Variants in MON2 observed in about 807,000 individuals in gnomAD.
The protein encoded by MON2 is MON2 regulator of endosome-to-Golgi trafficking, also known as protein MON2 homolog.
MON2 carries 84 observed loss-of-function variants against 208.6 expected under a neutral mutation model. The observed-to-expected ratio is 0.40, with a 90% confidence interval of 0.34 to 0.48. The LOEUF (loss-of-function observed/expected upper bound fraction) is 0.48, where lower values mean the gene tolerates loss of function less well. Ranked by LOEUF, MON2 falls within the 20% of genes least tolerant of loss-of-function variation. The pLI is 0.59. For synonymous variants in MON2, 660 were observed against 694.0 expected (o/e 0.95, Z 0.77); for missense variants, 1,611 against 2,015.4 (o/e 0.80, Z 3.84).
At chr12:62,476,727 A>G (rs943876179) in intron 1 of MON2, among the ~76,000 whole-genome samples, 3 of 152,090 alleles carry the variant, frequency 2.0e-5, no homozygotes, top group African/African-American at 7.2e-5. Flanking sequence ...ATGAGCCACC[A>G]TGCCCAGCCT....
In MON2 at chr12:62,524,634, A is replaced by G. The variant is rs2072240383; in HGVS notation, c.1104A>G (p.Leu368=). The part of the protein sequence containing the change: ...SIHRFCVQPQ[L]LRSFCQSYDM... ...ACAGATTCTGTGTGCAGCCTCAACTATTAAGGTAAAACCTCAGCAATAGTT... is the reference window on the plus strand; with the variant it reads ...ACAGATTCTGTGTGCAGCCTCAACTGTTAAGGTAAAACCTCAGCAATAGTT... The change falls in exon 9 of 35, where the codon CTA becomes CTG. Residue 368 remains leucine (L), a synonymous_variant. Transcript: ENST00000393630. The G allele has an allele frequency of 1.2e-6, 2 of 1,612,826 alleles. No homozygotes were observed. Among genetic ancestry groups the G allele is most frequent in the South Asian group, 1.1e-5 (1 of 90,878 alleles).
chr12:62,543,853 C>T (rs1017087418), intron 20 of MON2, among the ~76,000 whole-genome samples: 1 of 152,130 alleles, frequency 6.6e-6, no homozygotes, highest in Non-Finnish European at 1.5e-5. Flanking sequence ...AGGTGATCCA[C>T]CTGCCTTGGT....
At chr12:62,536,135 C>G (rs2072956538) in intron 14 of MON2, among the ~76,000 whole-genome samples, 2 of 151,834 alleles carry the variant, frequency 1.3e-5, no homozygotes, top group Middle Eastern at 3.4e-3. Context: ...ACTTGTAATA[C>G]CAATTTTAAA....
chr12:62,561,555 C>T (rs1308045605), intron 26 of MON2, among the ~76,000 whole-genome samples: 1 of 151,490 alleles, frequency 6.6e-6, no homozygotes, highest in Admixed American at 6.6e-5. Context: ...AGTATTTTTC[C>T]TCATGGTTTT....
rs1038102000 is a variant in MON2 at position 62,585,474 on chromosome 12, G to A, written c.4880G>A (p.Arg1627Lys). The stretch of plus-strand genomic sequence containing the variant: ...CTACATCGCTATATAGAGGATGAAA[G>A]ATTAAGTGGTAAATGCCCTCTTCCA... ...DVLHRYIEDE[R>K]LSGKCPLPRQ... is the part of the protein sequence containing the mutation. Residue 1627 changes from arginine to lysine, a missense_variant, in exon 33 of 35, where the codon AGA becomes AAA. Arg to Lys is a conservative substitution (Grantham distance 26, BLOSUM62 2). Transcript: ENST00000393630. 1 of 1,609,614 alleles carries A rather than the reference G, an allele frequency of 6.2e-7. No individual in the cohort carries two copies. Among genetic ancestry groups the A allele is most frequent in the East Asian group, 2.2e-5 (1 of 44,798 alleles).
rs12298728 is a variant in MON2 at position 62,550,376 on chromosome 12, G to A, written c.2916+546G>A. Among the ~76,000 whole-genome samples, 1,289 of 152,178 alleles carry A rather than the reference G, an allele frequency of 8.5e-3. 17 individuals carry two copies. The highest frequency in any genetic ancestry group is 0.029 in the African/African-American group (1,195 of 41,530). On this transcript the variant is annotated intron_variant, in intron 23 of 34. Transcript: ENST00000393630. Reference sequence around the variant, plus strand: ...AGACTCCCATCTCTACTAAAAATTAGCTGTGTATGGTGGTGCACACCTGTA... The same window carrying A: ...AGACTCCCATCTCTACTAAAAATTAACTGTGTATGGTGGTGCACACCTGTA...
rs2075595397 is a variant in MON2, at chr12:62,600,140, G to A, written c.*7391G>A. The A allele has an allele frequency of 6.6e-6, 1 of 152,168 alleles. No individual in the cohort carries two copies. Among genetic ancestry groups the A allele is most frequent in the African/African-American group, 2.4e-5 (1 of 41,424 alleles). The allele number at this position is 152,168 out of a possible 1,614,324, so 9.4% of individuals were successfully genotyped here. On this transcript the variant is annotated 3_prime_UTR_variant, in exon 35 of 35. Transcript: ENST00000393630. ...TCCTCTGTGAAATGGAGTTAATCGT[G>A]GTATTTAACAGAATTCAAAATGTAG...
At chr12:62,557,043 G>A (rs1408625814) in intron 25 of MON2, among the ~76,000 whole-genome samples, 2 of 151,758 alleles carry the variant, frequency 1.3e-5, no homozygotes, top group African/African-American at 4.8e-5. Flanking sequence ...AGCCAAGATC[G>A]TGCCACTGCA....
Position 62,553,106 on chromosome 12 carries a change from C to G in MON2, c.3142C>G (p.Leu1048Val). ...PAVRKSAGQT[L>V]FSTIGAHGTL... ...TGTCAGGAAGAGTGCAGGGCAAACT[C>G]TGTTTTCTACAATTGGTGCGCATGG... The change falls in exon 24 of 35, where the codon CTG (leucine) becomes GTG (valine). Residue 1048 changes from leucine to valine, a missense_variant. Leu to Val is a conservative substitution (Grantham distance 32). Coordinates refer to ENST00000393630, the MANE Select transcript of MON2 (RefSeq NM_015026.3). 2 of 1,614,164 alleles carry G rather than the reference C, an allele frequency of 1.2e-6. No individual in the cohort carries two copies. Among genetic ancestry groups the G allele is most frequent in the Non-Finnish European group, 1.7e-6 (2 of 1,180,008 alleles).
At chr12:62,513,365 G>A (rs2071510812) in intron 8 of MON2, among the ~76,000 whole-genome samples, 1 of 151,840 alleles carries the variant, frequency 6.6e-6, no homozygotes, top group Non-Finnish European at 1.5e-5. Context: ...AGCTAGGATT[G>A]CAGGTGTGAG....
intron 1 of MON2, among the ~76,000 whole-genome samples, chr12:62,479,660 T>C (rs2069292918): frequency 1.3e-5 from 2 of 152,204 alleles, no homozygotes; most frequent in Non-Finnish European, 2.9e-5. Context: ...AACGCTGCAG[T>C]GTATTTAAGG....
Position 62,500,785 on chromosome 12 carries a change from A to G in MON2, c.568A>G (p.Ile190Val), listed in dbSNP as rs1337052268. 1 of 1,554,154 alleles carries G rather than the reference A, an allele frequency of 6.4e-7. No homozygotes were observed. Among genetic ancestry groups the G allele is most frequent in the Non-Finnish European group, 8.8e-7 (1 of 1,140,786 alleles). ...MVAEDERHRD[I>V]IEQPVLVQGN... ...AACCCATCCTGTTTTGATTGCAGAT[A>G]TTATAGAACAACCAGTACTGGTACA... Residue 190 changes from isoleucine to valine, a missense_variant and splice_region_variant, in exon 6 of 35, where the codon ATT (isoleucine) becomes GTT (valine). Physicochemically the swap from Ile to Val is conservative, Grantham distance 29 (BLOSUM62 3). Transcript: ENST00000393630.
chr12:62,597,602 T>C lies in MON2; in HGVS notation c.*4853T>C, dbSNP rs754228059. 1.3e-5 allele frequency: 2 copies of C among 152,206 alleles called. No homozygotes were observed. Among genetic ancestry groups the C allele is most frequent in the Non-Finnish European group, 2.9e-5 (2 of 68,038 alleles). The allele number at this position is 152,206 out of a possible 1,614,324, so 9.4% of individuals were successfully genotyped here. A position where few individuals can be genotyped will look rare whatever the true frequency, so the allele number is the denominator to read the frequency against. The stretch of plus-strand genomic sequence containing the variant: ...GTGACTATAACTCCTACTGTCTTTA[T>C]GAATACACGGGATTCAGCAGCCAAG... On this transcript the variant is annotated 3_prime_UTR_variant, in exon 35 of 35. Coordinates refer to ENST00000393630, the MANE Select transcript of MON2 (RefSeq NM_015026.3).
intron 1 of MON2, among the ~76,000 whole-genome samples, chr12:62,483,183 A>C (rs1294020131): frequency 6.6e-6 from 1 of 152,178 alleles, no homozygotes; most frequent in East Asian, 1.9e-4. Context: ...AAGTCTTCAA[A>C]ACCTAGTATA....
intron 34 of MON2, chr12:62,588,970 C>A: frequency 8.8e-7 from 1 of 1,139,828 alleles, no homozygotes; most frequent in Non-Finnish European, 1.2e-6. Context: ...GTACTTGTCT[C>A]GAAGCACTCT....
intron 9 of MON2, 26 bp from the exon 10 acceptor site, chr12:62,525,058 C>A: frequency 6.3e-7 from 1 of 1,583,916 alleles, no homozygotes; most frequent in Non-Finnish European, 8.6e-7. Flanking sequence ...ATGTTTTTCC[C>A]AAAAACCTTT....
rs1228721497 is a variant in MON2 at position 62,508,456 on chromosome 12, G to C, written c.960G>C (p.Leu320=). Residue 320 remains leucine, a synonymous_variant, in exon 8 of 35, where the codon CTG becomes CTC. Transcript: ENST00000393630. ...CMRLLRVVSV[L]IKQFYSLLVT... ...GTTTGCTGAGAGTAGTATCTGTTCT[G>C]ATTAAGCAGTTTTACAGTCTTTTGG... 6.2e-7 allele frequency: 1 copy of C among 1,614,018 alleles called. No homozygotes were observed. The highest frequency in any genetic ancestry group is 8.5e-7 in the Non-Finnish European group (1 of 1,179,926).
At chr12:62,583,642 A>T (rs2075083234) in intron 32 of MON2, among the ~76,000 whole-genome samples, 1 of 151,988 alleles carries the variant, frequency 6.6e-6, no homozygotes, top group African/African-American at 2.4e-5. Context: ...AGAAAGAAAA[A>T]AAGTTCAGTA....
intron 32 of MON2, among the ~76,000 whole-genome samples, chr12:62,583,618 A>C (rs1006789350): frequency 2.6e-5 from 4 of 151,980 alleles, no homozygotes; most frequent in African/African-American, 9.7e-5. Context: ...AGAAGACCCT[A>C]AAAGATTTCA....
Sources: gnomAD v4.1 joint callset for allele counts (sites outside exome capture counted in the v4.1 genomes callset) on GRCh38, gnomAD v4.1.1 for gene constraint, MANE v1.5 for transcripts, NCBI Gene and HGNC (gene_info 2026-07-23, HGNC 2026-07-21) for gene names.